The following CAPZB variants were observed in gnomAD, a reference collection of about 807,000 sequenced individuals.
The protein encoded by CAPZB is capping actin protein of muscle Z-line subunit beta.
Under a neutral mutation model 38.1 loss-of-function variants are expected in CAPZB, and 2 were observed. The observed-to-expected ratio is 0.05, with a 90% confidence interval of 0.02 to 0.17. CAPZB has a LOEUF of 0.17. Among genes scored for constraint, CAPZB ranks in the 10% least tolerant of loss-of-function variants. The probability of loss-of-function intolerance (pLI) is 1.00; values close to 1 mark genes in which losing one functional copy is unlikely to be tolerated. For missense variants in CAPZB, 161 were observed against 334.2 expected, an observed-to-expected ratio of 0.48 and a Z score of 4.04; for synonymous variants, 107 against 127.4, an observed-to-expected ratio of 0.84 and a Z score of 1.08.
intron 2 of CAPZB, among the ~76,000 whole-genome samples, chr1:19,385,987 T>C (rs2094201966): frequency 6.6e-6 from 1 of 152,074 alleles, no homozygotes; most frequent in African/African-American, 2.4e-5. Context: ...GAGAAGAAGG[T>C]AAACATTTCA....
chr1:19,375,463 C>T (rs2094140072), intron 4 of CAPZB, among the ~76,000 whole-genome samples: 1 of 152,234 alleles, frequency 6.6e-6, no homozygotes, highest in Admixed American at 6.5e-5. Context: ...CCTGCCTCTC[C>T]TGCGGGGCCA....
chr1:19,474,820 C>A (rs576338282), intron 1 of CAPZB, among the ~76,000 whole-genome samples: 1 of 152,308 alleles, frequency 6.6e-6, no homozygotes, highest in East Asian at 1.9e-4. Flanking sequence ...ATGTAACTGG[C>A]ATGCCTGGGT....
At chr1:19,401,489 T>C (rs1350258341) in intron 2 of CAPZB, among the ~76,000 whole-genome samples, 1 of 152,050 alleles carries the variant, frequency 6.6e-6, no homozygotes. Flanking sequence ...ACACTCTTGC[T>C]GGGAATGAAG....
chr1:19,405,541 C>CAAAAAAAA, intron 2 of CAPZB, among the ~76,000 whole-genome samples: 1 of 96,492 alleles, frequency 1.0e-5, no homozygotes, highest in Non-Finnish European at 2.0e-5. Context: ...TAGAAAGAGG[C>CAAAAAAAA]AAAAAAAAAA....
chr1:19,353,062 A>G (rs2268805), intron 6 of CAPZB, among the ~76,000 whole-genome samples: 36,222 of 152,182 alleles, frequency 0.24, 4,490 homozygotes, highest in Admixed American at 0.25. Flanking sequence ...ACAGGAAGAC[A>G]AGGGTGCGCC....
chr1:19,343,793 G>A (rs912651511), intron 8 of CAPZB, among the ~76,000 whole-genome samples: 1 of 152,262 alleles, frequency 6.6e-6, no homozygotes. Flanking sequence ...TGGGAAGGAT[G>A]GTGCAGGACA....
intron 2 of CAPZB, among the ~76,000 whole-genome samples, chr1:19,417,232 A>G (rs1014981210): frequency 2.0e-5 from 3 of 152,242 alleles, no homozygotes; most frequent in East Asian, 3.8e-4. Context: ...TTCAGTTGCC[A>G]TAAGAACAAA....
At chr1:19,406,922 C>T (rs2094335346) in intron 2 of CAPZB, among the ~76,000 whole-genome samples, 1 of 152,132 alleles carries the variant, frequency 6.6e-6, no homozygotes, top group Admixed American at 6.6e-5. Flanking sequence ...TAGTGTCATG[C>T]CCATCTCACA....
chr1:19,458,535 T>C (rs777312454), intron 1 of CAPZB, among the ~76,000 whole-genome samples: 1 of 152,216 alleles, frequency 6.6e-6, no homozygotes, highest in Non-Finnish European at 1.5e-5. Flanking sequence ...TTTGTACTTT[T>C]AGTAGAGACG....
chr1:19,416,411 T>C (rs921811564), intron 2 of CAPZB, among the ~76,000 whole-genome samples: 6 of 151,436 alleles, frequency 4.0e-5, no homozygotes, highest in Non-Finnish European at 8.8e-5. Flanking sequence ...CCCCATAGAG[T>C]CTAAATCATC....
In CAPZB at chr1:19,356,561, A is replaced by G; in HGVS notation, c.588+74T>C. Reference sequence around the variant, plus strand: ...CTTACCCTAAATGGGGCACCTGCTCACTCATCTCTGCAGGTCAGCACTGAG... The same window carrying G: ...CTTACCCTAAATGGGGCACCTGCTCGCTCATCTCTGCAGGTCAGCACTGAG... On this transcript the variant is annotated intron_variant, in intron 6 of 8. Transcript: ENST00000264202. This position sits in a 1 kb window ranked among gnomAD's most constrained non-coding sequence, Gnocchi z 4.3. 1.1e-6 allele frequency: 1 copy of G among 934,316 alleles called. No individual in the cohort carries two copies. Among genetic ancestry groups the G allele is most frequent in the East Asian group, 2.4e-5 (1 of 41,876 alleles). The allele number at this position is 934,316 out of a possible 1,614,324, so 57.9% of individuals were successfully genotyped here.
At chr1:19,434,524 A>AGACCAACCT (rs752994886) in intron 1 of CAPZB, among the ~76,000 whole-genome samples, 150 of 150,828 alleles carry the variant, frequency 9.9e-4, no homozygotes, top group Non-Finnish European at 1.7e-3. Context: ...CAGGAGTTTG[A>AGACCAACCT]GACCAACCTG....
chr1:19,415,626 C>T (rs1406991731), intron 2 of CAPZB, among the ~76,000 whole-genome samples: 1 of 152,266 alleles, frequency 6.6e-6, no homozygotes, highest in African/African-American at 2.4e-5. Context: ...CAGCGCACTG[C>T]CCCTTATATG....
In CAPZB at chr1:19,464,647, C is replaced by T. The variant is rs1041283644; in HGVS notation, c.3+20789G>A. Among the ~76,000 whole-genome samples the T allele has an allele frequency of 7.2e-5, 11 of 152,160 alleles. No homozygotes were observed. In the South Asian group the frequency reaches 1.9e-3, roughly 26 times the overall value. On this transcript the variant is annotated intron_variant, in intron 1 of 8. Coordinates refer to ENST00000264202, the MANE Select transcript of CAPZB (RefSeq NM_004930.5). ...CTCAACATCCAAAAACTGGAGGCAA[C>T]CCAAATGTTCATCAACTGCTGAATG...
intron 2 of CAPZB, among the ~76,000 whole-genome samples, chr1:19,400,754 A>G (rs757801536): frequency 6.6e-5 from 10 of 152,200 alleles, no homozygotes; most frequent in Non-Finnish European, 1.0e-4. Context: ...GGACCTGGAT[A>G]GATCTTGTAG....
At position 19,356,872 on chromosome 1, in the gene CAPZB, TTA is replaced by T; in HGVS notation, c.472-123_472-122del. The T allele has an allele frequency of 1.5e-6, 1 of 689,104 alleles. No individual in the cohort carries two copies. The highest frequency in any genetic ancestry group is 2.5e-6 in the Non-Finnish European group (1 of 397,452). The allele number at this position is 689,104 out of a possible 1,614,324, so 42.7% of individuals were successfully genotyped here. A position where few individuals can be genotyped will look rare whatever the true frequency, so the allele number is the denominator to read the frequency against. On this transcript the variant is annotated intron_variant, in intron 5 of 8. Transcript: ENST00000264202. This position sits in a 1 kb window ranked among gnomAD's most constrained non-coding sequence, Gnocchi z 4.3. Reference sequence around the variant, plus strand: ...TATCACAATATTACCTTTTTTTTTTTTAAATTGGAGACAAAGTCTCGCTCTGT... The same window carrying T: ...TATCACAATATTACCTTTTTTTTTTTAATTGGAGACAAAGTCTCGCTCTGT...
Position 19,427,333 on chromosome 1 carries a change from G to C in CAPZB, c.4-7583C>G, listed in dbSNP as rs116846197. Among the ~76,000 whole-genome samples, 22 of 152,292 alleles carry C rather than the reference G, an allele frequency of 1.4e-4. No homozygotes were observed. The East Asian group carries it at 3.7e-3, about 25-fold the overall frequency. ...CAAGGCCTTCAGAGTTTGTTCTTAAGTTCATCAAGACCTTCACTCGTTTAC... is the reference window on the plus strand; with the variant it reads ...CAAGGCCTTCAGAGTTTGTTCTTAACTTCATCAAGACCTTCACTCGTTTAC... On this transcript the variant is annotated intron_variant, in intron 1 of 8. Coordinates refer to ENST00000264202, the MANE Select transcript of CAPZB (RefSeq NM_004930.5).
Position 19,349,126 on chromosome 1 carries a change from C to T in CAPZB, c.589-3874G>A, listed in dbSNP as rs374545289. Among the ~76,000 whole-genome samples the T allele has an allele frequency of 6.6e-5, 10 of 152,308 alleles. 1 individual carries two copies. Reference sequence around the variant, plus strand: ...TCATCTTTATCTGCCACTAGCAAAACCCTGGTGCCAAGACGACGGGGTGGG... The same window carrying T: ...TCATCTTTATCTGCCACTAGCAAAATCCTGGTGCCAAGACGACGGGGTGGG... On this transcript the variant is annotated intron_variant, in intron 6 of 8. Coordinates refer to ENST00000264202, the MANE Select transcript of CAPZB (RefSeq NM_004930.5).
chr1:19,468,163 G>A (rs766524212), intron 1 of CAPZB, among the ~76,000 whole-genome samples: 14 of 152,168 alleles, frequency 9.2e-5, no homozygotes, highest in Non-Finnish European at 1.8e-4. Context: ...AGACTAAGAC[G>A]CTGAAACAAT....
Sources: gnomAD v4.1 joint callset for allele counts (sites outside exome capture counted in the v4.1 genomes callset) on GRCh38, gnomAD v4.1.1 for gene constraint, Gnocchi (gnomAD v3.1) non-coding constraint, MANE v1.5 for transcripts, NCBI Gene and HGNC (gene_info 2026-07-23, HGNC 2026-07-21) for gene names.